Variants in ROBO1 observed in about 807,000 individuals in gnomAD.
ROBO1 encodes roundabout guidance receptor 1, also known as roundabout homolog 1.
ROBO1 carries 149 observed loss-of-function variants against 195.9 expected under a neutral mutation model. The ratio of observed to expected loss-of-function variants is 0.76; its 90% confidence interval spans 0.67 to 0.87. The LOEUF is 0.87. Among genes scored for constraint, ROBO1 ranks in the 40% least tolerant of loss-of-function variants. The pLI is 0.00. For missense variants in ROBO1, 1,933 were observed against 2,068.3 expected (o/e 0.93, Z 1.27); for synonymous variants, 816 against 733.2 (o/e 1.11, Z -1.82).
chr3:79,678,368 T>C (rs1946846161), intron 1 of ROBO1, among the ~76,000 whole-genome samples: 1 of 151,994 alleles, frequency 6.6e-6, no homozygotes, highest in Non-Finnish European at 1.5e-5. Flanking sequence ...ATATTACTAT[T>C]ATATCGATAA....
At chr3:79,684,519 G>C (rs1454693215) in intron 1 of ROBO1, among the ~76,000 whole-genome samples, 2 of 151,996 alleles carry the variant, frequency 1.3e-5, no homozygotes, top group Non-Finnish European at 1.5e-5. Flanking sequence ...CTGATTTAAA[G>C]TATTTGCGCA....
chr3:79,686,083 A>G (rs1358224599), intron 1 of ROBO1, among the ~76,000 whole-genome samples: 1 of 152,196 alleles, frequency 6.6e-6, no homozygotes, highest in Non-Finnish European at 1.5e-5. Context: ...CAAATCAATA[A>G]ACATAATCCA....
At chr3:79,175,686 T>C (rs1257001571) in intron 2 of ROBO1, among the ~76,000 whole-genome samples, 2 of 152,192 alleles carry the variant, frequency 1.3e-5, no homozygotes, top group Non-Finnish European at 2.9e-5. Flanking sequence ...TCCAGGTGAC[T>C]GCATATATTC....
chr3:78,754,086 T>A (rs1239397065), intron 4 of ROBO1, among the ~76,000 whole-genome samples: 3 of 152,232 alleles, frequency 2.0e-5, no homozygotes, highest in Non-Finnish European at 4.4e-5. Context: ...ATGACTCAGT[T>A]ATTTCCATAA....
chr3:79,491,211 G>A (rs543130006), intron 2 of ROBO1, among the ~76,000 whole-genome samples: 3 of 130,322 alleles, frequency 2.3e-5, no homozygotes, highest in Admixed American at 1.5e-4. Context: ...AGGGGTGGAC[G>A]GGGATCGGCT....
chr3:79,313,820 A>G (rs1013961561), intron 2 of ROBO1, among the ~76,000 whole-genome samples: 1 of 152,206 alleles, frequency 6.6e-6, no homozygotes, highest in African/African-American at 2.4e-5. Flanking sequence ...GATTTTAAAA[A>G]GGCTTTTATG....
chr3:79,404,287 T>A (rs1171308260), intron 2 of ROBO1, among the ~76,000 whole-genome samples: 1 of 152,120 alleles, frequency 6.6e-6, no homozygotes, highest in Non-Finnish European at 1.5e-5. Flanking sequence ...AGGCATTTAC[T>A]TTTCCTTCAT....
At chr3:79,157,150 T>C (rs2080873332) in intron 2 of ROBO1, among the ~76,000 whole-genome samples, 1 of 151,884 alleles carries the variant, frequency 6.6e-6, no homozygotes, top group South Asian at 2.1e-4. Flanking sequence ...GCTTATTTTG[T>C]TGCTGCCTTT....
At chr3:78,912,389 G>T (rs941790134) in intron 4 of ROBO1, among the ~76,000 whole-genome samples, 4 of 152,024 alleles carry the variant, frequency 2.6e-5, no homozygotes, top group Admixed American at 6.6e-5. Context: ...TCTCCACTCC[G>T]TGAAGACAGA....
intron 2 of ROBO1, among the ~76,000 whole-genome samples, chr3:79,459,639 T>C (rs1416540229): frequency 6.6e-5 from 10 of 152,148 alleles, no homozygotes; most frequent in Admixed American, 6.5e-4. Flanking sequence ...TAGAAGTCTA[T>C]ATTCAGTAAA....
chr3:79,598,954 C>A (rs138967513), intron 1 of ROBO1, among the ~76,000 whole-genome samples: 2 of 152,036 alleles, frequency 1.3e-5, no homozygotes, highest in African/African-American at 2.4e-5. Context: ...AACCAGCATT[C>A]GAGAAAGCCA....
At chr3:79,607,582 C>G (rs1944528116) in intron 1 of ROBO1, among the ~76,000 whole-genome samples, 1 of 138,714 alleles carries the variant, frequency 7.2e-6, no homozygotes, top group Non-Finnish European at 1.5e-5. Context: ...CAATCAAAAA[C>G]TACAAATTTG....
intron 2 of ROBO1, among the ~76,000 whole-genome samples, chr3:79,407,384 T>C (rs954652027): frequency 1.3e-5 from 2 of 152,232 alleles, no homozygotes; most frequent in Non-Finnish European, 2.9e-5. Context: ...AATATAATCT[T>C]GTGTATAATA....
At chr3:79,096,926 TG>T (rs1302724388) in intron 3 of ROBO1, among the ~76,000 whole-genome samples, 1 of 151,664 alleles carries the variant, frequency 6.6e-6, no homozygotes, top group East Asian at 1.9e-4. Context: ...ATAGTAAGTT[TG>T]GCAGGAGGCA....
chr3:78,849,630 A>C (rs2033908833), intron 4 of ROBO1, among the ~76,000 whole-genome samples: 1 of 152,036 alleles, frequency 6.6e-6, no homozygotes, highest in South Asian at 2.1e-4. Context: ...ATATATATAA[A>C]ATCACATCAT....
intron 4 of ROBO1, among the ~76,000 whole-genome samples, chr3:78,777,869 A>G (rs2083551158): frequency 6.6e-6 from 1 of 152,196 alleles, no homozygotes; most frequent in Non-Finnish European, 1.5e-5. Context: ...TTCCAATTCT[A>G]TATTGAATAG....
chr3:79,127,358 G>A (rs2080235961), intron 2 of ROBO1, among the ~76,000 whole-genome samples: 1 of 152,208 alleles, frequency 6.6e-6, no homozygotes, highest in South Asian at 2.1e-4. Flanking sequence ...GAAATTGCTT[G>A]GTCAAATGCA....
chr3:79,599,415 C>A (rs1944274087), intron 1 of ROBO1, among the ~76,000 whole-genome samples: 1 of 151,904 alleles, frequency 6.6e-6, no homozygotes, highest in South Asian at 2.1e-4. Context: ...AATATAAAAT[C>A]AATAAAACAG....
intron 3 of ROBO1, among the ~76,000 whole-genome samples, chr3:78,951,277 A>G (rs1467897716): frequency 6.6e-6 from 1 of 151,688 alleles, no homozygotes; most frequent in African/African-American, 2.4e-5. Flanking sequence ...ATAATATTAT[A>G]TATTTACATA....
Sources: allele counts gnomAD v4.1 joint callset (sites outside exome capture counted in the v4.1 genomes callset), GRCh38; gene constraint gnomAD v4.1.1; transcripts MANE v1.5; gene names NCBI Gene and HGNC (gene_info 2026-07-23, HGNC 2026-07-21).